PRDM5: variants seen among roughly 807,000 people sequenced by gnomAD.
PRDM5 encodes PR domain zinc finger protein 5.
In PRDM5, 56 loss-of-function variants were observed where a neutral mutation model predicts 81.2. The observed-to-expected ratio is 0.69, with a 90% confidence interval of 0.56 to 0.86. The LOEUF is 0.86. Ranked by LOEUF, PRDM5 falls within the 40% of genes least tolerant of loss-of-function variation. PRDM5 has a pLI of 0.00. For synonymous variants in PRDM5, 267 were observed against 256.4 expected, an observed-to-expected ratio of 1.04 and a Z score of -0.39; for missense variants, 697 against 770.1, an observed-to-expected ratio of 0.91 and a Z score of 1.12.
At chr4:120,812,191 T>G (rs149046136) in intron 7 of PRDM5, among the ~76,000 whole-genome samples, 4 of 152,294 alleles carry the variant, frequency 2.6e-5, no homozygotes, top group Non-Finnish European at 5.9e-5. Flanking sequence ...CTCTCATTGA[T>G]GGACACTTAG....
At chr4:120,786,783 TAAAAC>T (rs1211914886) in intron 10 of PRDM5, among the ~76,000 whole-genome samples, 1 of 152,146 alleles carries the variant, frequency 6.6e-6, no homozygotes, top group Non-Finnish European at 1.5e-5. Flanking sequence ...ATCTGCAACA[TAAAAC>T]AGAAGTGTAA....
intron 1 of PRDM5, among the ~76,000 whole-genome samples, chr4:120,917,160 C>T (rs1376109): frequency 0.76 from 115,703 of 152,088 alleles, 44,407 homozygotes; most frequent in Non-Finnish European, 0.81. Flanking sequence ...ACTGCTTGCT[C>T]ATTGCATTCC....
chr4:120,769,740 TAAG>T (rs1746965717), intron 13 of PRDM5, among the ~76,000 whole-genome samples: 1 of 152,218 alleles, frequency 6.6e-6, no homozygotes, highest in African/African-American at 2.4e-5. Context: ...CTAGCATCCT[TAAG>T]AAGGATGAAG....
chr4:120,884,338 A>G (rs192389099), intron 2 of PRDM5, among the ~76,000 whole-genome samples: 11 of 152,306 alleles, frequency 7.2e-5, no homozygotes, highest in Admixed American at 6.5e-4. Context: ...TGATATTTGT[A>G]TCTCCCTTAA....
At chr4:120,888,334 A>T (rs1486323607) in intron 2 of PRDM5, among the ~76,000 whole-genome samples, 2 of 152,134 alleles carry the variant, frequency 1.3e-5, no homozygotes, top group Non-Finnish European at 2.9e-5. Flanking sequence ...GATTAGCTTC[A>T]CCTGCTTTCA....
intron 2 of PRDM5, among the ~76,000 whole-genome samples, chr4:120,892,113 TGG>T (rs145546515): frequency 0.061 from 9,304 of 152,276 alleles, 363 homozygotes; most frequent in East Asian, 0.15. Context: ...TATAGTTGTG[TGG>T]CTTTGAGTGA....
rs187330186 is a variant in PRDM5, at chr4:120,818,259, C to T, written c.650+94G>A. The stretch of plus-strand genomic sequence containing the variant: ...CAAAACATGCGCGTGCGCGCGTGCA[C>T]ACACACACACACAGGTTAAAAACTA... On this transcript the variant is annotated intron_variant, in intron 5 of 15. Transcript: ENST00000264808. The T allele has an allele frequency of 2.9e-6, 4 of 1,358,250 alleles. No individual in the cohort carries two copies. In the Admixed American group the frequency reaches 5.5e-5, roughly 19 times the overall value. The allele number at this position is 1,358,250 out of a possible 1,614,324, so 84.1% of individuals were successfully genotyped here.
intron 2 of PRDM5, among the ~76,000 whole-genome samples, chr4:120,872,571 C>T (rs1761940546): frequency 6.6e-6 from 1 of 151,968 alleles, no homozygotes; most frequent in South Asian, 2.1e-4. Flanking sequence ...GGCAACATAC[C>T]CTAATCTCTA....
At chr4:120,881,394 C>T (rs750040049) in intron 2 of PRDM5, among the ~76,000 whole-genome samples, 13 of 152,218 alleles carry the variant, frequency 8.5e-5, no homozygotes, top group Non-Finnish European at 1.5e-4. Context: ...TAAGTAAAAT[C>T]GCTGGCAAAT....
chr4:120,815,799 C>T (rs1003042986), intron 7 of PRDM5, among the ~76,000 whole-genome samples: 2 of 152,194 alleles, frequency 1.3e-5, no homozygotes, highest in Non-Finnish European at 2.9e-5. Flanking sequence ...AAAAAGTTAA[C>T]TGAGACAATA....
intron 14 of PRDM5, among the ~76,000 whole-genome samples, chr4:120,750,507 A>C (rs1743827236): frequency 6.6e-6 from 1 of 152,196 alleles, no homozygotes; most frequent in South Asian, 2.1e-4. Context: ...AGAACACAGC[A>C]GCAGCAGCCC....
intron 10 of PRDM5, among the ~76,000 whole-genome samples, chr4:120,787,655 G>A (rs967486628): frequency 2.0e-5 from 3 of 152,128 alleles, no homozygotes; most frequent in Non-Finnish European, 4.4e-5. Context: ...TGAAGCATGA[G>A]ACACAAAAAG....
At chr4:120,785,266 C>A (rs185044509) in intron 10 of PRDM5, among the ~76,000 whole-genome samples, 175 bp from the exon 11 acceptor site, 1 of 151,930 alleles carries the variant, frequency 6.6e-6, no homozygotes, top group Admixed American at 6.6e-5. Flanking sequence ...GCTGTGTTTG[C>A]AAGAGGAAAA....
At chr4:120,883,093 A>T (rs1763021877) in intron 2 of PRDM5, among the ~76,000 whole-genome samples, 1 of 152,220 alleles carries the variant, frequency 6.6e-6, no homozygotes, top group Non-Finnish European at 1.5e-5. Context: ...CTTAAGGTTA[A>T]ATTAGTTTCT....
At chr4:120,723,923 A>ATTTTTTTTT (rs70948360) in intron 14 of PRDM5, among the ~76,000 whole-genome samples, 15 of 81,278 alleles carry the variant, frequency 1.8e-4, no homozygotes, top group African/African-American at 5.7e-4. Context: ...GATAGCTTGA[A>ATTTTTTTTT]TTTTTTTTTT....
intron 8 of PRDM5, among the ~76,000 whole-genome samples, chr4:120,810,276 TA>T (rs1341220429): frequency 6.6e-6 from 1 of 152,196 alleles, no homozygotes; most frequent in Non-Finnish European, 1.5e-5. Flanking sequence ...CATAGAATTA[TA>T]AAAGAGGATG....
chr4:120,918,720 G>A (rs982929299), intron 1 of PRDM5, among the ~76,000 whole-genome samples: 1 of 146,358 alleles, frequency 6.8e-6, no homozygotes, highest in African/African-American at 2.5e-5. Flanking sequence ...CAAGGTGTGT[G>A]CCTTGGTTTG....
rs1311488655 is a variant in PRDM5 at position 120,922,511 on chromosome 4, C to G, written c.93+5G>C. 6.3e-7 allele frequency: 1 copy of G among 1,595,100 alleles called. No individual in the cohort carries two copies. The highest frequency in any genetic ancestry group is 2.3e-5 in the East Asian group (1 of 42,988). On this transcript the variant is annotated splice_donor_5th_base_variant and intron_variant, in intron 1 of 15. Transcript: ENST00000264808. ...GGGCGCGCAGGCCGCCGCCGGGTCA[C>G]CCACCTTTCGCACTCTGCGGGCCGT... is the stretch of plus-strand genomic sequence containing the variant.
At chr4:120,858,584 C>T (rs1349999163) in intron 2 of PRDM5, among the ~76,000 whole-genome samples, 1 of 148,334 alleles carries the variant, frequency 6.7e-6, no homozygotes, top group East Asian at 2.0e-4. Flanking sequence ...CGTGCGCGCG[C>T]ACGCACGCAC....
Sources: gnomAD v4.1 joint callset for allele counts (sites outside exome capture counted in the v4.1 genomes callset) on GRCh38, gnomAD v4.1.1 for gene constraint, MANE v1.5 for transcripts, NCBI Gene and HGNC (gene_info 2026-07-23, HGNC 2026-07-21) for gene names.